ATXN7L1: variants seen among roughly 807,000 people sequenced by gnomAD.
ATXN7L1 encodes ataxin 7 like 1.
In ATXN7L1, 15 loss-of-function variants were observed where a neutral mutation model predicts 70.8. That is an observed-to-expected ratio of 0.21 (90% confidence interval 0.14 to 0.33). The LOEUF (loss-of-function observed/expected upper bound fraction) is 0.33. Ranked by LOEUF, ATXN7L1 falls within the 10% of genes least tolerant of loss-of-function variation. The pLI is 1.00. For missense variants in ATXN7L1, 975 were observed against 1,097.1 expected (o/e 0.89, Z 1.57); for synonymous variants, 440 against 445.1 (o/e 0.99, Z 0.14).
At chr7:105,847,257 T>C (rs1296505331) in intron 2 of ATXN7L1, among the ~76,000 whole-genome samples, 1 of 152,168 alleles carries the variant, frequency 6.6e-6, no homozygotes, top group Non-Finnish European at 1.5e-5. Flanking sequence ...AACTCACTTC[T>C]TGGCTTGATG....
intron 3 of ATXN7L1, among the ~76,000 whole-genome samples, chr7:105,719,826 G>A (rs1251961735): frequency 6.6e-6 from 1 of 152,228 alleles, no homozygotes; most frequent in Non-Finnish European, 1.5e-5. Context: ...TCCTTTTGGA[G>A]TAGATTTCTG....
intron 3 of ATXN7L1, among the ~76,000 whole-genome samples, chr7:105,725,704 T>C (rs1296384839): frequency 3.3e-5 from 5 of 151,670 alleles, no homozygotes; most frequent in African/African-American, 1.2e-4. Context: ...TTTCAGCCTC[T>C]AGAGTAGCTG....
chr7:105,840,909 A>G (rs573502683), intron 2 of ATXN7L1, among the ~76,000 whole-genome samples: 9 of 152,336 alleles, frequency 5.9e-5, no homozygotes, highest in African/African-American at 2.2e-4. Context: ...GGGTCCTCTC[A>G]GAACCCTTAT....
chr7:105,643,027 C>T lies in ATXN7L1; in HGVS notation c.673G>A (p.Val225Ile), dbSNP rs1428035540. Residue 225 changes from valine (V) to isoleucine (I), a missense_variant, in exon 5 of 12, where the codon GTT becomes ATT. Around this residue, in one of 5 missense-constraint regions of ATXN7L1, gnomAD observed 192 missense variants for 215.5 expected, o/e 0.89. Coordinates refer to ENST00000419735, the MANE Select transcript of ATXN7L1 (RefSeq NM_020725.2). ...VKMNSTTTTAVSASSTSSSAV... is the reference protein window; with the variant it reads ...VKMNSTTTTAISASSTSSSAV... ...GAGGACGAGGTGGAGGAGGCAGAAA[C>T]TGCAGTAGTGGTTGTGGAGTTCATT... 6.4e-7 allele frequency: 1 copy of T among 1,551,638 alleles called. No individual in the cohort carries two copies. The highest frequency in any genetic ancestry group is 2.0e-5 in the Admixed American group (1 of 50,982).
intron 3 of ATXN7L1, among the ~76,000 whole-genome samples, chr7:105,721,438 A>G (rs1393584619): frequency 6.6e-6 from 1 of 152,164 alleles, no homozygotes; most frequent in East Asian, 1.9e-4. Flanking sequence ...GCAGCTCATC[A>G]CTAATCACGG....
intron 3 of ATXN7L1, among the ~76,000 whole-genome samples, chr7:105,713,527 G>C (rs1794172400): frequency 6.6e-6 from 1 of 152,268 alleles, no homozygotes; most frequent in South Asian, 2.1e-4. Flanking sequence ...TCCAAACGAT[G>C]TGGGTCTGTG....
chr7:105,865,470 C>A (rs1199042004), intron 2 of ATXN7L1, among the ~76,000 whole-genome samples: 1 of 151,528 alleles, frequency 6.6e-6, no homozygotes, highest in Non-Finnish European at 1.5e-5. Flanking sequence ...GGCGCGATCT[C>A]AGCTCACTGC....
intron 4 of ATXN7L1, among the ~76,000 whole-genome samples, chr7:105,652,310 G>C (rs953050931): frequency 3.9e-5 from 6 of 152,170 alleles, no homozygotes; most frequent in African/African-American, 1.4e-4. Flanking sequence ...TGAGAACGAA[G>C]AGCCACACAA....
chr7:105,668,489 G>A (rs1219692077), intron 3 of ATXN7L1, among the ~76,000 whole-genome samples: 1 of 152,096 alleles, frequency 6.6e-6, no homozygotes, highest in Non-Finnish European at 1.5e-5. Flanking sequence ...CCTCCCTCAA[G>A]AGTTTCTCTT....
At chr7:105,642,485 A>C (rs949042196) in intron 5 of ATXN7L1, among the ~76,000 whole-genome samples, 1 of 152,196 alleles carries the variant, frequency 6.6e-6, no homozygotes, top group African/African-American at 2.4e-5. Context: ...TGAAGCTTCT[A>C]TGGAAGCCAG....
intron 7 of ATXN7L1, among the ~76,000 whole-genome samples, chr7:105,636,942 T>C (rs1797477228): frequency 1.3e-5 from 2 of 152,194 alleles, no homozygotes; most frequent in Non-Finnish European, 1.5e-5. Flanking sequence ...GTATATACAA[T>C]TGAAGCCCCT....
intron 3 of ATXN7L1, among the ~76,000 whole-genome samples, chr7:105,734,195 A>C (rs35822107): frequency 0.065 from 9,866 of 152,306 alleles, 357 homozygotes; most frequent in African/African-American, 0.077. Context: ...CCCACCTTAC[A>C]GGGATGCTGG....
In ATXN7L1 at chr7:105,727,669, C is replaced by CAA. The variant is rs761366095; in HGVS notation, c.355+60933_355+60934dup. On this transcript the variant is annotated intron_variant, in intron 3 of 11. Transcript: ENST00000419735. Reference sequence around the variant, plus strand: ...GGGCGACAAGAGTGAAACTTCATCTCAAAAAAAAAAAAAAAGAAAAGAAAA... The same window carrying CAA: ...GGGCGACAAGAGTGAAACTTCATCTCAAAAAAAAAAAAAAAAAGAAAAGAAAA... Among the ~76,000 whole-genome samples, 202 of 75,904 alleles carry CAA rather than the reference C, an allele frequency of 2.7e-3. 3 individuals carry two copies. Among genetic ancestry groups the CAA allele is most frequent in the East Asian group, 0.021 (53 of 2,538 alleles). 49.8% of individuals were successfully genotyped at this position (75,904 alleles called of 152,430 possible).
intron 2 of ATXN7L1, among the ~76,000 whole-genome samples, chr7:105,790,666 A>T (rs913617407): frequency 5.0e-5 from 7 of 140,306 alleles, no homozygotes; most frequent in Non-Finnish European, 7.6e-5. Context: ...TCTATCTACT[A>T]TCTATCTACT....
At chr7:105,744,825 C>T (rs1798398565) in intron 3 of ATXN7L1, among the ~76,000 whole-genome samples, 1 of 151,218 alleles carries the variant, frequency 6.6e-6, no homozygotes, top group South Asian at 2.1e-4. Context: ...GCAACCTCCG[C>T]CTCCTGGGTT....
At chr7:105,738,710 A>G (rs1797686003) in intron 3 of ATXN7L1, among the ~76,000 whole-genome samples, 1 of 152,196 alleles carries the variant, frequency 6.6e-6, no homozygotes, top group African/African-American at 2.4e-5. Context: ...TCTGCACGGT[A>G]TCTGTGCCTC....
Position 105,856,500 on chromosome 7 carries a change from C to T in ATXN7L1, c.250+19312G>A, listed in dbSNP as rs184054553. Reference sequence around the variant, plus strand: ...ACTCGGGAGGCTGAGGCAGGAGAATCGCTGGAACTTGGGAGGTGGAGACTG... The same window carrying T: ...ACTCGGGAGGCTGAGGCAGGAGAATTGCTGGAACTTGGGAGGTGGAGACTG... On this transcript the variant is annotated intron_variant, in intron 2 of 11. Transcript: ENST00000419735. Among the ~76,000 whole-genome samples, 1,384 of 150,308 alleles carry T rather than the reference C, an allele frequency of 9.2e-3. 11 individuals carry two copies. Among genetic ancestry groups the T allele is most frequent in the Middle Eastern group, 0.037 (11 of 294 alleles).
At chr7:105,864,319 A>G (rs757173052) in intron 2 of ATXN7L1, among the ~76,000 whole-genome samples, 2 of 151,808 alleles carry the variant, frequency 1.3e-5, no homozygotes, top group African/African-American at 4.8e-5. Context: ...TTAGGCAGGC[A>G]TGGCAGCACA....
At chr7:105,706,556 C>A (rs1300972756) in intron 3 of ATXN7L1, among the ~76,000 whole-genome samples, 1 of 152,134 alleles carries the variant, frequency 6.6e-6, no homozygotes, top group Non-Finnish European at 1.5e-5. Context: ...ACCACCACCA[C>A]CACCACCAAA....
Sources: allele counts gnomAD v4.1 joint callset (sites outside exome capture counted in the v4.1 genomes callset), GRCh38; gene constraint gnomAD v4.1.1; regional missense constraint gnomAD v4.1.1; transcripts MANE v1.5; gene names NCBI Gene and HGNC (gene_info 2026-07-23, HGNC 2026-07-21).